SPEF2: variants seen among roughly 807,000 people sequenced by gnomAD.
SPEF2 encodes the protein sperm flagellar and cilia associated 2.
In SPEF2, 187 loss-of-function variants were observed where a neutral mutation model predicts 224.6. The observed-to-expected ratio is 0.83, with a 90% CI of 0.74 to 0.94. SPEF2 has a LOEUF of 0.94. Ranked by LOEUF, SPEF2 falls within the 40% of genes least tolerant of loss-of-function variation. The pLI is 0.00. For missense variants in SPEF2, 2,170 were observed against 2,135.6 expected, an observed-to-expected ratio of 1.02 and a Z score of -0.32; for synonymous variants, 715 against 707.3, an observed-to-expected ratio of 1.01 and a Z score of -0.17.
chr5:35,788,924 C>A (rs1755570309), intron 30 of SPEF2: 4 of 703,022 alleles, frequency 5.7e-6, no homozygotes, highest in Non-Finnish European at 1.0e-5. Context: ...TCACCTTCGA[C>A]CTGTGATGCC....
chr5:35,796,349 T>C (rs996813523), intron 33 of SPEF2, among the ~76,000 whole-genome samples: 2 of 152,192 alleles, frequency 1.3e-5, no homozygotes, highest in Non-Finnish European at 2.9e-5. Context: ...GGCTCACGCC[T>C]GTAATCCCAG....
rs1748724207 is a variant in SPEF2 at position 35,654,734 on chromosome 5, A to G, written c.978+8A>G. The G allele has an allele frequency of 1.3e-6, 2 of 1,599,552 alleles. No individual in the cohort carries two copies. The highest frequency in any genetic ancestry group is 1.7e-6 in the Non-Finnish European group (2 of 1,175,758). On this transcript the variant is annotated splice_region_variant and intron_variant, in intron 7 of 36. Coordinates refer to ENST00000356031, the MANE Select transcript of SPEF2 (RefSeq NM_024867.4). ...GCCCACGAAGCACAAGAGGTAAGAT[A>G]TTTAGATGAAGGTTAAGTAATAGTG...
chr5:35,783,621 T>C (rs940828457), intron 30 of SPEF2, among the ~76,000 whole-genome samples: 2 of 152,186 alleles, frequency 1.3e-5, no homozygotes, highest in African/African-American at 2.4e-5. Flanking sequence ...AATACCCTAG[T>C]AGGCATTTGC....
In SPEF2 at chr5:35,641,570, T is replaced by C. The variant is rs1425429269; in HGVS notation, c.301T>C (p.Tyr101His). The change falls in exon 3 of 37, where the codon TAC becomes CAC. Residue 101 changes from tyrosine (Y) to histidine (H), a missense_variant. By Grantham distance (83) the Tyr-to-His change is moderately conservative (BLOSUM62 2). Coordinates refer to ENST00000356031, the MANE Select transcript of SPEF2 (RefSeq NM_024867.4). Reference protein sequence around the residue: ...GVATKLLYQLYIALQKKKKSG... With the variant: ...GVATKLLYQLHIALQKKKKSG... ...GGCAACAAAGCTGTTATATCAATTG[T>C]ACATTGCTCTTCAGAAAAAGAAGAA... is the stretch of plus-strand genomic sequence containing the variant. The C allele has an allele frequency of 6.2e-7, 1 of 1,613,864 alleles. No individual in the cohort carries two copies. The highest frequency in any genetic ancestry group is 8.5e-7 in the Non-Finnish European group (1 of 1,179,832).
intron 23 of SPEF2, among the ~76,000 whole-genome samples, chr5:35,741,376 C>T (rs1747614036): frequency 6.6e-6 from 1 of 152,104 alleles, no homozygotes; most frequent in Admixed American, 6.5e-5. Context: ...GTATGAAGCA[C>T]ATATGAAAGC....
chr5:35,747,594 A>T (rs1285594910), intron 23 of SPEF2, among the ~76,000 whole-genome samples: 1 of 152,156 alleles, frequency 6.6e-6, no homozygotes, highest in Non-Finnish European at 1.5e-5. Flanking sequence ...AAAGAGGGAC[A>T]TTATATAACG....
At position 35,685,784 on chromosome 5, in the gene SPEF2, C is replaced by G. The variant is rs554716377; in HGVS notation, c.1525-5253C>G. Among the ~76,000 whole-genome samples the G allele has an allele frequency of 2.0e-5, 3 of 150,738 alleles. No homozygotes were observed. In the South Asian group the frequency reaches 6.3e-4, roughly 31 times the overall value. ...TCAAATTTGGCCAATAATTTTTAAA[C>G]TAGGAAAGAGTTCCCCTCCAGAAAA... On this transcript the variant is annotated intron_variant, in intron 10 of 36. Transcript: ENST00000356031.
chr5:35,691,115 A>ATTC lies in SPEF2; in HGVS notation c.1607_1609dup (p.Leu536dup). 6.2e-7 allele frequency: 1 copy of ATTC among 1,614,126 alleles called. No individual in the cohort carries two copies. The highest frequency in any genetic ancestry group is 1.3e-5 in the African/African-American group (1 of 75,048). ...CTCCAACAATTGCATACTGGGCCAT[A>ATTC]TTCTTCACAGGCTAGCTGAAAAATC... On this transcript the variant is annotated inframe_insertion, in exon 11 of 37. Coordinates refer to ENST00000356031, the MANE Select transcript of SPEF2 (RefSeq NM_024867.4).
chr5:35,753,909 C>A, intron 24 of SPEF2, 148 bp downstream of exon 24: 4 of 980,506 alleles, frequency 4.1e-6, no homozygotes, highest in Non-Finnish European at 5.9e-6. Context: ...TCCAACTCAC[C>A]AAAAAAGCTA....
chr5:35,790,015 T>C (rs1755734874), intron 30 of SPEF2: 1 of 700,544 alleles, frequency 1.4e-6, no homozygotes, highest in Admixed American at 2.0e-5. Flanking sequence ...TTTCTTCTCC[T>C]CCCTCCTAGA....
intron 23 of SPEF2, among the ~76,000 whole-genome samples, chr5:35,752,287 G>A (rs1749784821): frequency 6.6e-6 from 1 of 151,932 alleles, no homozygotes; most frequent in Non-Finnish European, 1.5e-5. Flanking sequence ...AATGTTTAGT[G>A]AATTATTATT....
rs139020817 is a variant in SPEF2 at position 35,787,815 on chromosome 5, G to T, written c.4448-4525G>T. 4 of 550,986 alleles carry T rather than the reference G, an allele frequency of 7.3e-6. No homozygotes were observed. In the East Asian group the frequency reaches 1.1e-4, roughly 16 times the overall value. 34.1% of individuals were successfully genotyped at this position (550,986 alleles called of 1,614,324 possible). On this transcript the variant is annotated intron_variant, in intron 30 of 36. Transcript: ENST00000356031. ...TAGGGGTCAGAGATTAAGCAAAACT[G>T]AGGGTAGAAATTGGGATTACTTAAA...
chr5:35,659,687 A>G (rs1210798676), intron 8 of SPEF2, among the ~76,000 whole-genome samples: 1 of 152,170 alleles, frequency 6.6e-6, no homozygotes, highest in East Asian at 1.9e-4. Flanking sequence ...TGTGCTGCCA[A>G]AAAGAATGGT....
intron 10 of SPEF2, among the ~76,000 whole-genome samples, chr5:35,676,296 ACT>A: frequency 7.8e-6 from 1 of 128,054 alleles, no homozygotes; most frequent in Non-Finnish European, 1.7e-5. Flanking sequence ...TGGGCTTTCT[ACT>A]ACTGAGTTTT....
At chr5:35,783,228 CTTA>C (rs1754592000) in intron 30 of SPEF2, among the ~76,000 whole-genome samples, 1 of 152,184 alleles carries the variant, frequency 6.6e-6, no homozygotes, top group Non-Finnish European at 1.5e-5. Context: ...TGTGAATTCA[CTTA>C]TTATCCACCT....
chr5:35,706,022 C>T (rs932768263), intron 18 of SPEF2, among the ~76,000 whole-genome samples: 3 of 146,720 alleles, frequency 2.0e-5, no homozygotes, highest in African/African-American at 2.5e-5. Flanking sequence ...AAAAAGAGAC[C>T]ATCTCTCTGA....
chr5:35,688,758 T>C (rs575269431), intron 10 of SPEF2, among the ~76,000 whole-genome samples: 1 of 152,330 alleles, frequency 6.6e-6, no homozygotes, highest in Non-Finnish European at 1.5e-5. Flanking sequence ...TTTTCTTCTA[T>C]GAATCAGGAA....
chr5:35,632,743 T>C (rs1463472555), intron 2 of SPEF2, among the ~76,000 whole-genome samples: 1 of 152,196 alleles, frequency 6.6e-6, no homozygotes, highest in Non-Finnish European at 1.5e-5. Flanking sequence ...CACATAAGTT[T>C]TGGTATGTCA....
chr5:35,792,497 T>C (rs1486623466), intron 31 of SPEF2, 51 bp downstream of exon 31: 1 of 1,423,714 alleles, frequency 7.0e-7, no homozygotes, highest in Non-Finnish European at 9.9e-7. Flanking sequence ...TCTTATTTGA[T>C]CAATGCATCA....
Sources: allele counts gnomAD v4.1 joint callset (sites outside exome capture counted in the v4.1 genomes callset), GRCh38; gene constraint gnomAD v4.1.1; transcripts MANE v1.5; gene names NCBI Gene and HGNC (gene_info 2026-07-23, HGNC 2026-07-21).